The following SKAP2 variants were observed in gnomAD, a reference collection of about 807,000 sequenced individuals.
SKAP2 encodes the protein src kinase associated phosphoprotein 2.
SKAP2 carries 28 observed loss-of-function variants against 54.9 expected under a neutral mutation model. That is an observed-to-expected ratio of 0.51 (90% confidence interval 0.38 to 0.70). SKAP2 has a LOEUF of 0.70. Among genes scored for constraint, SKAP2 ranks in the 30% least tolerant of loss-of-function variants. SKAP2 has a pLI of 0.00. For missense variants in SKAP2, 356 were observed against 424.1 expected, an observed-to-expected ratio of 0.84 and a Z score of 1.41; for synonymous variants, 137 against 134.3, an observed-to-expected ratio of 1.02 and a Z score of -0.14.
intron 4 of SKAP2, among the ~76,000 whole-genome samples, chr7:26,834,081 C>T (rs1158973478): frequency 6.6e-6 from 1 of 152,190 alleles, no homozygotes; most frequent in Non-Finnish European, 1.5e-5. Context: ...GAACAACCTG[C>T]TCCTGAATCA....
At chr7:26,804,778 T>C (rs1324744745) in intron 4 of SKAP2, among the ~76,000 whole-genome samples, 1 of 147,606 alleles carries the variant, frequency 6.8e-6, no homozygotes, top group Non-Finnish European at 1.5e-5. Flanking sequence ...AATGCAGGAA[T>C]AAATAAAAAG....
chr7:26,728,721 T>C (rs976650399), intron 6 of SKAP2, among the ~76,000 whole-genome samples: 1 of 152,082 alleles, frequency 6.6e-6, no homozygotes, highest in African/African-American at 2.4e-5. Context: ...CAAAAGGAAC[T>C]TAATGTTCAC....
At chr7:26,778,449 T>C (rs943495101) in intron 4 of SKAP2, among the ~76,000 whole-genome samples, 1 of 152,036 alleles carries the variant, frequency 6.6e-6, no homozygotes, top group African/African-American at 2.4e-5. Context: ...CTGCACACAT[T>C]CTCATATTTT....
chr7:26,708,269 G>C (rs947538234), intron 9 of SKAP2, among the ~76,000 whole-genome samples: 3 of 152,208 alleles, frequency 2.0e-5, no homozygotes, highest in South Asian at 2.1e-4. Flanking sequence ...GATCCCACGT[G>C]AATGTTTGCT....
intron 4 of SKAP2, among the ~76,000 whole-genome samples, chr7:26,749,932 T>A (rs1009858682): frequency 1.7e-5 from 2 of 115,104 alleles, no homozygotes; most frequent in Non-Finnish European, 1.8e-5. Context: ...TTAACATTTA[T>A]TGAGCCTTTA....
intron 4 of SKAP2, among the ~76,000 whole-genome samples, chr7:26,843,669 A>T (rs1214113765): frequency 6.6e-6 from 1 of 151,948 alleles, no homozygotes; most frequent in African/African-American, 2.4e-5. Flanking sequence ...TAGATCAAAA[A>T]TCTTTTTTAT....
intron 4 of SKAP2, among the ~76,000 whole-genome samples, chr7:26,784,454 C>T (rs1390899120): frequency 6.6e-6 from 1 of 152,182 alleles, no homozygotes; most frequent in African/African-American, 2.4e-5. Context: ...TGAAAGCCAG[C>T]GATAAAATAT....
chr7:26,726,395 C>G (rs1418226911), intron 7 of SKAP2, among the ~76,000 whole-genome samples: 1 of 152,132 alleles, frequency 6.6e-6, no homozygotes. Context: ...ACTGCAATCT[C>G]AGATATTTAA....
downstream of SKAP2, among the ~76,000 whole-genome samples, chr7:26,665,855 G>A (rs1317886498): frequency 6.6e-6 from 1 of 152,074 alleles, no homozygotes; most frequent in East Asian, 1.9e-4. Context: ...TTGTGCATTT[G>A]AGTATATATT....
intron 4 of SKAP2, among the ~76,000 whole-genome samples, chr7:26,775,530 C>CGTGTGT (rs59902431): frequency 1.2e-4 from 18 of 146,304 alleles, no homozygotes; most frequent in African/African-American, 4.3e-4. Context: ...TTTACTTGTA[C>CGTGTGT]GTGTGTGTGT....
At chr7:26,677,114 G>C (rs909143088) in intron 11 of SKAP2, among the ~76,000 whole-genome samples, 6 of 152,200 alleles carry the variant, frequency 3.9e-5, no homozygotes, top group Non-Finnish European at 8.8e-5. Context: ...TAAGGAAAGA[G>C]AAGTGATGGC....
intron 4 of SKAP2, among the ~76,000 whole-genome samples, chr7:26,754,681 C>T (rs545215623): frequency 2.3e-4 from 35 of 152,250 alleles, no homozygotes; most frequent in African/African-American, 8.2e-4. Context: ...CAGAACAAAA[C>T]GATTGCTAAC....
At chr7:26,743,485 G>A (rs150157968) in intron 4 of SKAP2, among the ~76,000 whole-genome samples, 4 of 152,114 alleles carry the variant, frequency 2.6e-5, no homozygotes, top group African/African-American at 9.6e-5. Flanking sequence ...AAATGAAAGT[G>A]GTTAATGAAA....
intron 9 of SKAP2, among the ~76,000 whole-genome samples, chr7:26,722,972 T>C (rs1787610945): frequency 6.6e-6 from 1 of 152,200 alleles, no homozygotes; most frequent in Non-Finnish European, 1.5e-5. Flanking sequence ...TATTATTTAA[T>C]TCTGGGAATT....
chr7:26,843,395 C>G (rs1784857596), intron 4 of SKAP2, among the ~76,000 whole-genome samples: 1 of 151,934 alleles, frequency 6.6e-6, no homozygotes, highest in Non-Finnish European at 1.5e-5. Flanking sequence ...AAAGTACATA[C>G]TACACTAAAA....
At chr7:26,711,141 G>A (rs1259812792) in intron 9 of SKAP2, among the ~76,000 whole-genome samples, 1 of 152,248 alleles carries the variant, frequency 6.6e-6, no homozygotes, top group East Asian at 1.9e-4. Flanking sequence ...TAAATATATA[G>A]AATCAACAAG....
intron 1 of SKAP2, among the ~76,000 whole-genome samples, chr7:26,860,886 A>C (rs1785260143): frequency 6.0e-3 from 1 of 168 alleles, no homozygotes. Flanking sequence ...TGTTCTAAAA[A>C]TTCCCAGTAG....
intron 9 of SKAP2, among the ~76,000 whole-genome samples, chr7:26,697,470 T>C (rs1376039389): frequency 2.0e-5 from 3 of 152,204 alleles, no homozygotes; most frequent in Non-Finnish European, 2.9e-5. Context: ...CCCATTGAAT[T>C]ATTCACTGTA....
At chr7:26,776,967 G>T (rs1044275805) in intron 4 of SKAP2, among the ~76,000 whole-genome samples, 29 of 152,190 alleles carry the variant, frequency 1.9e-4, no homozygotes, top group African/African-American at 6.5e-4. Context: ...ATTCCCAAAT[G>T]TTCTGTCTCA....
Sources: gnomAD v4.1 joint callset for allele counts (sites outside exome capture counted in the v4.1 genomes callset) on GRCh38, gnomAD v4.1.1 for gene constraint, MANE v1.5 for transcripts, NCBI Gene and HGNC (gene_info 2026-07-23, HGNC 2026-07-21) for gene names.